PADI2: variants seen among roughly 807,000 people sequenced by gnomAD.
The protein encoded by PADI2 is protein-arginine deiminase type-2.
A neutral mutation model predicts 81.1 loss-of-function variants in PADI2; 70 were observed. The observed-to-expected ratio is 0.86, with a 90% CI of 0.71 to 1.05. The LOEUF (loss-of-function observed/expected upper bound fraction) is 1.05, where lower values mean the gene tolerates loss of function less well. Among genes scored for constraint, PADI2 ranks in the 50% least tolerant of loss-of-function variants. The pLI, the probability that PADI2 is intolerant of heterozygous loss-of-function variation, is 0.00. For synonymous variants in PADI2, 338 were observed against 358.0 expected (o/e 0.94, Z 0.63); for missense variants, 853 against 889.9 (o/e 0.96, Z 0.53).
At chr1:17,099,395 C>T (rs1451192610) in intron 3 of PADI2, among the ~76,000 whole-genome samples, 1 of 152,130 alleles carries the variant, frequency 6.6e-6, no homozygotes, top group Admixed American at 6.5e-5. Flanking sequence ...CCTCCCTCCC[C>T]ACACCTCACC....
chr1:17,086,131 G>A (rs1243962924), intron 7 of PADI2, among the ~76,000 whole-genome samples: 1 of 152,188 alleles, frequency 6.6e-6, no homozygotes, highest in African/African-American at 2.4e-5. Context: ...TCAGAGTGGG[G>A]CAGGAAGTAC....
At chr1:17,090,658 G>A (rs923011836) in intron 6 of PADI2, among the ~76,000 whole-genome samples, 1 of 151,334 alleles carries the variant, frequency 6.6e-6, no homozygotes, top group Non-Finnish European at 1.5e-5. Context: ...CAGCATTATT[G>A]GGAAACTGTC....
chr1:17,117,919 T>C (rs1173156552), intron 1 of PADI2, among the ~76,000 whole-genome samples: 1 of 152,182 alleles, frequency 6.6e-6, no homozygotes, highest in Admixed American at 6.5e-5. Context: ...TGTGTTCTTG[T>C]TCTCAGAGAC....
intron 6 of PADI2, among the ~76,000 whole-genome samples, chr1:17,091,815 C>A (rs569731504): frequency 1.3e-3 from 198 of 152,184 alleles, no homozygotes; most frequent in African/African-American, 4.6e-3. Flanking sequence ...TCCTTGAGGG[C>A]AGGGTGTGAT....
intron 4 of PADI2, among the ~76,000 whole-genome samples, chr1:17,094,257 G>A (rs372790297): frequency 6.6e-6 from 1 of 152,190 alleles, no homozygotes; most frequent in African/African-American, 2.4e-5. Context: ...AAGGCCTGGT[G>A]AAACTTGCCT....
intron 1 of PADI2, 87 bp from the exon 2 acceptor site, chr1:17,105,148 T>C (rs1430954724): frequency 8.3e-6 from 8 of 966,672 alleles, no homozygotes; most frequent in Non-Finnish European, 1.2e-5. Context: ...CTTCCAGCAC[T>C]TTGGGAGGTC....
chr1:17,104,757 A>C, intron 2 of PADI2, 121 bp downstream of exon 2: 1 of 825,790 alleles, frequency 1.2e-6, no homozygotes, highest in Non-Finnish European at 1.8e-6. Flanking sequence ...CAATGTGGTT[A>C]CTGCAGAACT....
intron 14 of PADI2, 67 bp downstream of exon 14, chr1:17,071,339 G>T (rs2101569719): frequency 3.3e-6 from 4 of 1,196,178 alleles, no homozygotes; most frequent in Non-Finnish European, 5.0e-6. Context: ...AAGCCCCAAG[G>T]ATGTAAGGGC....
At chr1:17,073,867 C>T (rs1396475922) in intron 13 of PADI2, among the ~76,000 whole-genome samples, 1 of 152,208 alleles carries the variant, frequency 6.6e-6, no homozygotes, top group Non-Finnish European at 1.5e-5. Flanking sequence ...AATTCAAATG[C>T]AAACCTCATC....
chr1:17,092,969 A>C (rs1930757972), intron 5 of PADI2, among the ~76,000 whole-genome samples: 1 of 151,856 alleles, frequency 6.6e-6, no homozygotes, highest in Non-Finnish European at 1.5e-5. Flanking sequence ...AAAAAGAAAA[A>C]AAAAGAAAAA....
chr1:17,086,479 C>A (rs762698975), intron 7 of PADI2, 42 bp downstream of exon 7: 36 of 1,554,642 alleles, frequency 2.3e-5, no homozygotes, highest in Non-Finnish European at 3.1e-5. Flanking sequence ...CCACCCTGGC[C>A]CCTGGGGTTA....
intron 13 of PADI2, among the ~76,000 whole-genome samples, chr1:17,073,756 T>C (rs2078281443): frequency 6.6e-6 from 1 of 151,932 alleles, no homozygotes; most frequent in Admixed American, 6.6e-5. Context: ...AAATCTAAAA[T>C]AGAAGTTGAA....
chr1:17,100,178 G>A (rs1281864821), intron 3 of PADI2, among the ~76,000 whole-genome samples: 1 of 152,168 alleles, frequency 6.6e-6, no homozygotes, highest in African/African-American at 2.4e-5. Flanking sequence ...TGGTCCCCAA[G>A]GGAAACCAGA....
intron 2 of PADI2, among the ~76,000 whole-genome samples, chr1:17,104,126 CAAA>C (rs112120798): frequency 1.5e-5 from 2 of 133,880 alleles, no homozygotes; most frequent in African/African-American, 2.7e-5. Flanking sequence ...ACTAAAAATA[CAAA>C]AAAAAAAAAA....
Position 17,068,884 on chromosome 1 carries a change from C to CCT in PADI2, c.*158_*159dup. The CCT allele has an allele frequency of 1.6e-6, 1 of 630,384 alleles. No homozygotes were observed. Among genetic ancestry groups the CCT allele is most frequent in the South Asian group, 1.9e-5 (1 of 53,194 alleles). The allele number at this position is 630,384 out of a possible 1,614,324, so 39.0% of individuals were successfully genotyped here. A position where few individuals can be genotyped will look rare whatever the true frequency, so the allele number is the denominator to read the frequency against. On this transcript the variant is annotated 3_prime_UTR_variant, in exon 16 of 16. Coordinates refer to ENST00000375486, the MANE Select transcript of PADI2 (RefSeq NM_007365.3). The stretch of plus-strand genomic sequence containing the variant: ...GATGGCTTCAGAGGACACTGAGGCC[C>CCT]CTCTCAGGGAGGGCAAGGCACAGAT...
chr1:17,118,807 G>T (rs1319095631), intron 1 of PADI2, among the ~76,000 whole-genome samples: 2 of 152,196 alleles, frequency 1.3e-5, no homozygotes. Flanking sequence ...CCTCAGGGCA[G>T]CTCCCTTCGG....
Position 17,104,993 on chromosome 1 carries a change from C to T in PADI2, c.161G>A (p.Arg54His), listed in dbSNP as rs367699636. The change falls in exon 2 of 16, where the codon CGT (arginine) becomes CAT (histidine). Residue 54 changes from arginine (R) to histidine (H), a missense_variant. By Grantham distance (29) the Arg-to-His change is conservative. Coordinates refer to ENST00000375486, the MANE Select transcript of PADI2 (RefSeq NM_007365.3). ...GGCCACCTCCTCAGCCTCCCCATCA[C>T]GCACCACCTCCACCCACACGTGTTC... ...HSEHVWVEVV[R>H]DGEAEEVATN... 22 of 1,608,256 alleles carry T rather than the reference C, an allele frequency of 1.4e-5. No homozygotes were observed. Among genetic ancestry groups the T allele is most frequent in the East Asian group, 9.0e-5 (4 of 44,596 alleles).
In PADI2 at chr1:17,083,480, C is replaced by T. The variant is rs182017814; in HGVS notation, c.1050+246G>A. On this transcript the variant is annotated intron_variant, in intron 9 of 15. Transcript: ENST00000375486. ...CTTTTTAGCGGTTGCACAGAACTTC[C>T]GGGAAGGCCGTTACTCAGTCCTCCA... is the stretch of plus-strand genomic sequence containing the variant. 1.2e-4 allele frequency: 58 copies of T among 469,366 alleles called. 1 individual carries two copies. Among genetic ancestry groups the T allele is most frequent in the Admixed American group, 4.4e-4 (12 of 27,216 alleles). The allele number at this position is 469,366 out of a possible 1,614,324, so 29.1% of individuals were successfully genotyped here. A position where few individuals can be genotyped will look rare whatever the true frequency, so the allele number is the denominator to read the frequency against.
At chr1:17,080,187 G>A (rs1455360987) in intron 10 of PADI2, among the ~76,000 whole-genome samples, 1 of 152,232 alleles carries the variant, frequency 6.6e-6, no homozygotes, top group Non-Finnish European at 1.5e-5. Flanking sequence ...CCTCTGCGCA[G>A]TAAGAGAATT....
Sources: gnomAD v4.1 joint callset for allele counts (sites outside exome capture counted in the v4.1 genomes callset) on GRCh38, gnomAD v4.1.1 for gene constraint, MANE v1.5 for transcripts, NCBI Gene and HGNC (gene_info 2026-07-23, HGNC 2026-07-21) for gene names.